The following TMEM38A variants were observed in gnomAD, a reference collection of about 807,000 sequenced individuals.
The protein encoded by TMEM38A is transmembrane protein 38A.
In TMEM38A, 17 loss-of-function variants were observed where a neutral mutation model predicts 28.6. The ratio of observed to expected loss-of-function variants is 0.60; its 90% CI spans 0.41 to 0.89. The LOEUF is 0.89. Among genes scored for constraint, TMEM38A ranks in the 40% least tolerant of loss-of-function variants. The pLI is 0.00. For missense variants in TMEM38A, 328 were observed against 393.1 expected, an observed-to-expected ratio of 0.83 and a Z score of 1.40; for synonymous variants, 169 against 166.1, an observed-to-expected ratio of 1.02 and a Z score of -0.14.
intron 4 of TMEM38A, among the ~76,000 whole-genome samples, chr19:16,682,970 G>GT (rs745483002): frequency 6.6e-6 from 1 of 152,028 alleles, no homozygotes; most frequent in Non-Finnish European, 1.5e-5. Context: ...TTAGCTTAAT[G>GT]TTTTTTATTT....
intron 1 of TMEM38A, among the ~76,000 whole-genome samples, chr19:16,670,534 G>T (rs1482049336): frequency 6.6e-6 from 1 of 152,122 alleles, no homozygotes; most frequent in Non-Finnish European, 1.5e-5. Context: ...CTCTTGCGTC[G>T]TTGCTAGGCG....
chr19:16,662,460 C>CT (rs2086686387), intron 1 of TMEM38A, among the ~76,000 whole-genome samples: 1 of 26,138 alleles, frequency 3.8e-5, no homozygotes, highest in Non-Finnish European at 7.5e-5. Flanking sequence ...TTTTTTTTTG[C>CT]GGTTTTTTTT....
chr19:16,661,291 T>C lies in TMEM38A; in HGVS notation c.74T>C (p.Phe25Ser). 2 of 1,599,236 alleles carry C rather than the reference T, an allele frequency of 1.3e-6. No homozygotes were observed. The highest frequency in any genetic ancestry group is 1.7e-6 in the Non-Finnish European group (2 of 1,173,530). The part of the protein sequence containing the change: ...SFSRVPLFPV[F>S]DLSYFIVSIL... ...TCGCGGGTGCCGCTCTTCCCCGTCT[T>C]CGACCTCAGTTACTTCATCGTCTCC... is the stretch of plus-strand genomic sequence containing the variant. Residue 25 changes from phenylalanine to serine, a missense_variant, in exon 1 of 6, where the codon TTC becomes TCC. Phe to Ser is a radical substitution (Grantham distance 155). Coordinates refer to ENST00000187762, the MANE Select transcript of TMEM38A (RefSeq NM_024074.4). This position sits in a 1 kb window ranked among gnomAD's most constrained non-coding sequence, Gnocchi z 6.5.
intron 1 of TMEM38A, among the ~76,000 whole-genome samples, chr19:16,671,623 T>A (rs1204402877): frequency 6.6e-6 from 1 of 151,792 alleles, no homozygotes; most frequent in Non-Finnish European, 1.5e-5. Context: ...TGTGATGAGG[T>A]TTTGCCATGT....
At chr19:16,664,150 C>T (rs1441214119) in intron 1 of TMEM38A, among the ~76,000 whole-genome samples, 3 of 152,118 alleles carry the variant, frequency 2.0e-5, no homozygotes, top group South Asian at 4.1e-4. Context: ...GATGTGATGG[C>T]TTATGCCTGT....
At chr19:16,682,362 A>G (rs1225299195) in intron 3 of TMEM38A, 59 bp from the exon 4 acceptor site, 3 of 1,425,428 alleles carry the variant, frequency 2.1e-6, no homozygotes, top group Non-Finnish European at 3.0e-6. Context: ...TGGGAATTCA[A>G]ACAAGAGGAA....
chr19:16,671,420 C>T (rs113321467), intron 1 of TMEM38A, among the ~76,000 whole-genome samples: 3,339 of 152,052 alleles, frequency 0.022, 130 homozygotes, highest in African/African-American at 0.076. Context: ...CCAGGCTGGT[C>T]TCAAACTCAA....
At chr19:16,674,883 C>T (rs2086743499) in intron 1 of TMEM38A, among the ~76,000 whole-genome samples, 1 of 152,048 alleles carries the variant, frequency 6.6e-6, no homozygotes, top group South Asian at 2.1e-4. Context: ...TTTCTTGAAC[C>T]CATACAATGT....
At chr19:16,670,807 C>G (rs1208569023) in intron 1 of TMEM38A, among the ~76,000 whole-genome samples, 1 of 152,044 alleles carries the variant, frequency 6.6e-6, no homozygotes, top group African/African-American at 2.4e-5. Context: ...GGCCTGGTGG[C>G]GGGTGCCTGT....
Position 16,686,338 on chromosome 19 carries a change from C to T in TMEM38A, c.605C>T (p.Thr202Ile), listed in dbSNP as rs199898743. ...GCCATCCTCTTCACCCTCCAGCAGACCCGCTGGCTCCCAGTGTCCAAAGCC... is the reference window on the plus strand; with the variant it reads ...GCCATCCTCTTCACCCTCCAGCAGATCCGCTGGCTCCCAGTGTCCAAAGCC... ...YGAILFTLQQ[T>I]RWLPVSKASL... The change falls in exon 5 of 6, where the codon ACC becomes ATC. Residue 202 changes from threonine (T) to isoleucine (I), a missense_variant. Coordinates refer to ENST00000187762, the MANE Select transcript of TMEM38A (RefSeq NM_024074.4). 6.2e-7 allele frequency: 1 copy of T among 1,613,658 alleles called. No individual in the cohort carries two copies. Among genetic ancestry groups the T allele is most frequent in the Non-Finnish European group, 8.5e-7 (1 of 1,179,974 alleles).
In TMEM38A at chr19:16,661,353, CG is replaced by C; in HGVS notation, c.124+18del. 2.0e-6 allele frequency: 3 copies of C among 1,514,526 alleles called. No individual in the cohort carries two copies. Among genetic ancestry groups the C allele is most frequent in the East Asian group, 2.7e-5 (1 of 36,516 alleles). The allele number at this position is 1,514,526 out of a possible 1,614,324, so 93.8% of individuals were successfully genotyped here. A position where few individuals can be genotyped will look rare whatever the true frequency, so the allele number is the denominator to read the frequency against. ...CAAGTATGAGCCAGGTGAGCCGGGGCGGGGGGCTGGAGGGGACCGGCAGCGG... is the reference window on the plus strand; with the variant it reads ...CAAGTATGAGCCAGGTGAGCCGGGGCGGGGGCTGGAGGGGACCGGCAGCGG... On this transcript the variant is annotated intron_variant, in intron 1 of 5. Transcript: ENST00000187762. The surrounding 1 kb of genome is among the most constrained non-coding windows in gnomAD (Gnocchi z 6.5).
At chr19:16,674,190 GT>G (rs1246851028) in intron 1 of TMEM38A, among the ~76,000 whole-genome samples, 1 of 151,852 alleles carries the variant, frequency 6.6e-6, no homozygotes, top group Non-Finnish European at 1.5e-5. Flanking sequence ...TTCGAGACCA[GT>G]TTGGCCAACT....
intron 1 of TMEM38A, among the ~76,000 whole-genome samples, chr19:16,676,892 C>T (rs1392468332): frequency 2.0e-5 from 3 of 150,672 alleles, no homozygotes; most frequent in African/African-American, 7.4e-5. Context: ...TCCCGAGTAG[C>T]TGAGATTAAA....
intron 1 of TMEM38A, among the ~76,000 whole-genome samples, chr19:16,679,011 T>G (rs1425826690): frequency 6.6e-6 from 1 of 151,084 alleles, no homozygotes; most frequent in African/African-American, 2.4e-5. Flanking sequence ...TAGCCAGGCA[T>G]GGTGGTGGCT....
At chr19:16,677,623 C>T (rs2086757862) in intron 1 of TMEM38A, among the ~76,000 whole-genome samples, 2 of 151,446 alleles carry the variant, frequency 1.3e-5, no homozygotes, top group African/African-American at 4.8e-5. Context: ...GTGGCATGCT[C>T]ATGACTCACT....
chr19:16,676,107 T>TTG lies in TMEM38A; in HGVS notation c.125-3877_125-3876insTG, dbSNP rs2086749985. Among the ~76,000 whole-genome samples the TTG allele has an allele frequency of 2.2e-5, 3 of 133,448 alleles. 1 individual carries two copies. The highest frequency in any genetic ancestry group is 1.2e-4 in the African/African-American group (3 of 25,122). The allele number at this position is 133,448 out of a possible 152,430, so 87.5% of individuals were successfully genotyped here. On this transcript the variant is annotated intron_variant, in intron 1 of 5. Transcript: ENST00000187762. ...CGGGCGCGGTGGCTCACACCTGTAA[T>TTG]CCCAGCACTTTGTGAGGCCGAGGCA...
intron 3 of TMEM38A, chr19:16,680,961 G>A (rs1467148872): frequency 5.4e-6 from 1 of 186,300 alleles, no homozygotes; most frequent in Non-Finnish European, 1.1e-5. Context: ...TAGCACACTT[G>A]TCCCCAGCTG....
chr19:16,662,919 TCTTTC>T (rs1273699966), intron 1 of TMEM38A, among the ~76,000 whole-genome samples: 1 of 152,146 alleles, frequency 6.6e-6, no homozygotes, highest in Non-Finnish European at 1.5e-5. Flanking sequence ...CATGGGGCTA[TCTTTC>T]CTTTCTGGGG....
In TMEM38A at chr19:16,682,505, C is replaced by T; in HGVS notation, c.551C>T (p.Ser184Phe). Residue 184 changes from serine to phenylalanine, a missense_variant, in exon 4 of 6, where the codon TCT becomes TTT. Coordinates refer to ENST00000187762, the MANE Select transcript of TMEM38A (RefSeq NM_024074.4). ...KPETNEILHM[S>F]FPTKASLYGA... ...GAGACCAACGAGATCCTGCACATGT[C>T]TTTGTGAGTATCCCACTCCACCTCT... is the stretch of plus-strand genomic sequence containing the variant. The T allele has an allele frequency of 2.5e-6, 4 of 1,614,020 alleles. No individual in the cohort carries two copies. Among genetic ancestry groups the T allele is most frequent in the Non-Finnish European group, 3.4e-6 (4 of 1,179,944 alleles).
Sources: allele counts gnomAD v4.1 joint callset (sites outside exome capture counted in the v4.1 genomes callset), GRCh38; gene constraint gnomAD v4.1.1; non-coding constraint Gnocchi (gnomAD v3.1); transcripts MANE v1.5; gene names NCBI Gene and HGNC (gene_info 2026-07-23, HGNC 2026-07-21).